Variants in OR9K2 observed in about 807,000 individuals in gnomAD.
OR9K2 encodes the protein olfactory receptor family 9 subfamily K member 2, also known as olfactory receptor 9K2.
OR9K2 carries 16 observed loss-of-function variants against 12.4 expected under a neutral mutation model. That is an observed-to-expected ratio of 1.29 (90% confidence interval 0.87 to 1.95). The LOEUF is 1.95. Ranked by LOEUF, OR9K2 falls within the 30% of genes most tolerant of loss-of-function variation. The pLI is 0.00. For missense variants in OR9K2, 434 were observed against 376.5 expected (o/e 1.15, Z -1.26); for synonymous variants, 133 against 133.2 (o/e 1.00, Z 0.01).
chr12:55,130,022 A>AT lies in OR9K2; in HGVS notation c.194dup (p.Leu66ProfsTer8), dbSNP rs1163883585. The AT allele has an allele frequency of 9.9e-6, 16 of 1,613,152 alleles. No individual in the cohort carries two copies. The highest frequency in any genetic ancestry group is 1.6e-4 in the Middle Eastern group (1 of 6,084). On this transcript the variant is annotated frameshift_variant, in exon 3 of 3. Coordinates refer to ENST00000641329, the MANE Select transcript of OR9K2 (RefSeq NM_001005243.2). LOFTEE classifies it high-confidence loss of function. ...GATCCTCGGCTGAACACACCAATGT[A>AT]TTTTTTCCTAGGCAATCTCTCCTTC... is the stretch of plus-strand genomic sequence containing the variant.
chr12:55,130,782 A>C lies in OR9K2; in HGVS notation c.*6A>C, dbSNP rs775223284. 32 of 1,465,148 alleles carry C rather than the reference A, an allele frequency of 2.2e-5. No individual in the cohort carries two copies. The South Asian group carries it at 3.7e-4, about 17-fold the overall frequency. 90.8% of individuals were successfully genotyped at this position (1,465,148 alleles called of 1,614,324 possible). On this transcript the variant is annotated 3_prime_UTR_variant, in exon 3 of 3. Transcript: ENST00000641329. The stretch of plus-strand genomic sequence containing the variant: ...AGAAAAATATTATTCTTTGATTATT[A>C]TTTCTCTTTCACCAATTTTATTGTG...
At position 55,130,966 on chromosome 12, in the gene OR9K2, T is replaced by C. The variant is rs1048798275; in HGVS notation, c.*190T>C. On this transcript the variant is annotated 3_prime_UTR_variant, in exon 3 of 3. Transcript: ENST00000641329. ...CTGAAAATCTTGGATATTGGAGATA[T>C]CCTGGACATTAGAGAAGTATTTTCA... is the stretch of plus-strand genomic sequence containing the variant. The C allele has an allele frequency of 4.2e-6, 2 of 473,726 alleles. No individual in the cohort carries two copies. The highest frequency in any genetic ancestry group is 7.4e-6 in the Non-Finnish European group (2 of 268,532). 29.3% of individuals were successfully genotyped at this position (473,726 alleles called of 1,614,324 possible).
chr12:55,129,372 T>G (rs1397236637), intron 2 of OR9K2, among the ~76,000 whole-genome samples: 6 of 152,096 alleles, frequency 3.9e-5, no homozygotes, highest in Non-Finnish European at 7.4e-5. Flanking sequence ...TACTCCAAAT[T>G]AAGTCTCTGT....
rs1181748861 is a variant in OR9K2, at chr12:55,131,391, A to G, written c.*615A>G. Reference sequence around the variant, plus strand: ...ACTGCTAGTTGCTGAATCCCAGTGCAAAGAACTAAAATAGGAAATAGAGAT... The same window carrying G: ...ACTGCTAGTTGCTGAATCCCAGTGCGAAGAACTAAAATAGGAAATAGAGAT... On this transcript the variant is annotated 3_prime_UTR_variant, in exon 3 of 3. Transcript: ENST00000641329. The G allele has an allele frequency of 6.6e-6, 1 of 152,180 alleles. No individual in the cohort carries two copies. Among genetic ancestry groups the G allele is most frequent in the Non-Finnish European group, 1.5e-5 (1 of 68,036 alleles). The allele number at this position is 152,180 out of a possible 1,614,324, so 9.4% of individuals were successfully genotyped here. A position where few individuals can be genotyped will look rare whatever the true frequency, so the allele number is the denominator to read the frequency against.
chr12:55,131,678 T>C lies in OR9K2; in HGVS notation c.*902T>C, dbSNP rs945395265. 9 of 152,138 alleles carry C rather than the reference T, an allele frequency of 5.9e-5. No homozygotes were observed. Among genetic ancestry groups the C allele is most frequent in the African/African-American group, 1.9e-4 (8 of 41,430 alleles). The allele number at this position is 152,138 out of a possible 1,614,324, so 9.4% of individuals were successfully genotyped here. On this transcript the variant is annotated 3_prime_UTR_variant, in exon 3 of 3. Coordinates refer to ENST00000641329, the MANE Select transcript of OR9K2 (RefSeq NM_001005243.2). ...ATTCTTTTGAAAGTTTAAAAGTTAG[T>C]GAGATACTGAAATCCTTGGGCATAA...
chr12:55,129,555 A>T, intron 2 of OR9K2: 1 of 534,032 alleles, frequency 1.9e-6, no homozygotes, highest in Non-Finnish European at 3.3e-6. Context: ...ATACTTGGAA[A>T]TGTGAAAGGC....
intron 2 of OR9K2, 21 bp downstream of exon 2, chr12:55,126,932 G>T (rs917746431): frequency 1.5e-4 from 23 of 151,988 alleles, no homozygotes; most frequent in African/African-American, 5.6e-4. Context: ...CTTAAAACCT[G>T]TAAGTTTTTG....
Position 55,126,414 on chromosome 12 carries a change from G to A in OR9K2, c.-196G>A, listed in dbSNP as rs12297295. 49,511 of 151,992 alleles carry A rather than the reference G, an allele frequency of 0.33. 8,330 individuals are homozygous for A. Among genetic ancestry groups the A allele is most frequent in the Middle Eastern group, 0.4 (119 of 294 alleles). The allele number at this position is 151,992 out of a possible 1,614,324, so 9.4% of individuals were successfully genotyped here. ...GTATTCAGAGATGCCAAAGAGCTCA[G>A]GACCTCTACTTGCATATCCATGGCA... On this transcript the variant is annotated 5_prime_UTR_variant, in exon 1 of 3. Coordinates refer to ENST00000641329, the MANE Select transcript of OR9K2 (RefSeq NM_001005243.2).
At chr12:55,128,790 C>T (rs1953446650) in intron 2 of OR9K2, among the ~76,000 whole-genome samples, 1 of 152,052 alleles carries the variant, frequency 6.6e-6, no homozygotes, top group African/African-American at 2.4e-5. Flanking sequence ...AAGTTGTATT[C>T]AGGGCAAATA....
chr12:55,131,458 C>G lies in OR9K2; in HGVS notation c.*682C>G, dbSNP rs1953472712. On this transcript the variant is annotated 3_prime_UTR_variant, in exon 3 of 3. Transcript: ENST00000641329. ...CAATCATGCCCTCAATTTTGATCTT[C>G]ATGATTTTGTCTTGTGTTAATAATT... The G allele has an allele frequency of 6.6e-6, 1 of 152,064 alleles. No individual in the cohort carries two copies. Among genetic ancestry groups the G allele is most frequent in the Non-Finnish European group, 1.5e-5 (1 of 67,994 alleles). The allele number at this position is 152,064 out of a possible 1,614,324, so 9.4% of individuals were successfully genotyped here.
Position 55,132,185 on chromosome 12 carries a change from C to A in OR9K2, c.*1409C>A, listed in dbSNP as rs908376248. 2.0e-5 allele frequency: 3 copies of A among 152,114 alleles called. No homozygotes were observed. Among genetic ancestry groups the A allele is most frequent in the African/African-American group, 4.8e-5 (2 of 41,408 alleles). 9.4% of individuals were successfully genotyped at this position (152,114 alleles called of 1,614,324 possible). A position where few individuals can be genotyped will look rare whatever the true frequency, so the allele number is the denominator to read the frequency against. Reference sequence around the variant, plus strand: ...TATTATCAGGAAAAATGCAAGGATGCCTTCTCTCACCACACCTTTTCAATA... The same window carrying A: ...TATTATCAGGAAAAATGCAAGGATGACTTCTCTCACCACACCTTTTCAATA... On this transcript the variant is annotated 3_prime_UTR_variant, in exon 3 of 3. Transcript: ENST00000641329.
intron 2 of OR9K2, among the ~76,000 whole-genome samples, chr12:55,128,396 G>T (rs575811981): frequency 1.5e-3 from 224 of 151,684 alleles, no homozygotes; most frequent in African/African-American, 5.0e-3. Context: ...ATTTAAAGTT[G>T]ATATAGTACA....
At chr12:55,127,025 T>C (rs911344117) in intron 2 of OR9K2, 114 bp downstream of exon 2, 1 of 152,048 alleles carries the variant, frequency 6.6e-6, no homozygotes, top group African/African-American at 2.4e-5. Flanking sequence ...TCATCAGCAA[T>C]GCATTTATTA....
intron 2 of OR9K2, chr12:55,129,546 T>C (rs1953453301): frequency 1.9e-6 from 1 of 525,690 alleles, no homozygotes; most frequent in African/African-American, 1.9e-5. Flanking sequence ...AAAGAAGTGA[T>C]ACTTGGAAAT....
rs138666847 is a variant in OR9K2 at position 55,130,111 on chromosome 12, A to G, written c.277A>G (p.Lys93Glu). The stretch of plus-strand genomic sequence containing the variant: ...TATGATCAACTTCTGGTCTGAAAAC[A>G]AGTCTATCTCCTTTGCAGGCTGTGT... Reference protein sequence around the residue: ...KAMINFWSENKSISFAGCVAQ... With the variant: ...KAMINFWSENESISFAGCVAQ... The change falls in exon 3 of 3, where the codon AAG becomes GAG. Residue 93 changes from lysine to glutamate, a missense_variant. Coordinates refer to ENST00000641329, the MANE Select transcript of OR9K2 (RefSeq NM_001005243.2). 15 of 1,613,416 alleles carry G rather than the reference A, an allele frequency of 9.3e-6. No homozygotes were observed. Among genetic ancestry groups the G allele is most frequent in the Non-Finnish European group, 1.3e-5 (15 of 1,179,976 alleles).
At chr12:55,129,673 G>A in intron 2 of OR9K2, 153 bp from the exon 3 acceptor site, 1 of 835,218 alleles carries the variant, frequency 1.2e-6, no homozygotes, top group Non-Finnish European at 1.9e-6. Context: ...CAATTGATTG[G>A]CTTTAAGTCA....
rs1953474966 is a variant in OR9K2 at position 55,131,758 on chromosome 12, GC to G, written c.*984del. On this transcript the variant is annotated 3_prime_UTR_variant, in exon 3 of 3. Transcript: ENST00000641329. ...ACTCATAGAGATCACAAAGTGGGGTGCCTGAAAGAAGGTGGTTGGTAATCAG... is the reference window on the plus strand; with the variant it reads ...ACTCATAGAGATCACAAAGTGGGGTGCTGAAAGAAGGTGGTTGGTAATCAG... The G allele has an allele frequency of 6.6e-6, 1 of 152,146 alleles. No individual in the cohort carries two copies. Among genetic ancestry groups the G allele is most frequent in the Admixed American group, 6.5e-5 (1 of 15,268 alleles). 9.4% of individuals were successfully genotyped at this position (152,146 alleles called of 1,614,324 possible).
intron 2 of OR9K2, among the ~76,000 whole-genome samples, chr12:55,128,107 A>G (rs1242365079): frequency 6.6e-6 from 1 of 151,910 alleles, no homozygotes; most frequent in Non-Finnish European, 1.5e-5. Flanking sequence ...TTTTATCTAT[A>G]GTAAATATGT....
At position 55,132,457 on chromosome 12, in the gene OR9K2, C is replaced by T. The variant is rs1425391326; in HGVS notation, c.*1681C>T. The T allele has an allele frequency of 1.3e-5, 2 of 152,128 alleles. No homozygotes were observed. The highest frequency in any genetic ancestry group is 3.9e-4 in the East Asian group (2 of 5,184). 9.4% of individuals were successfully genotyped at this position (152,128 alleles called of 1,614,324 possible). ...GAGATTAGGGCACACAGAGGGACAC[C>T]AGGGGTGCATGTGCACAGAACATCA... is the stretch of plus-strand genomic sequence containing the variant. On this transcript the variant is annotated 3_prime_UTR_variant, in exon 3 of 3. Transcript: ENST00000641329.
Sources: allele counts gnomAD v4.1 joint callset (sites outside exome capture counted in the v4.1 genomes callset), GRCh38; gene constraint gnomAD v4.1.1; transcripts MANE v1.5; gene names NCBI Gene and HGNC (gene_info 2026-07-23, HGNC 2026-07-21).